PRKG1: variants seen among roughly 807,000 people sequenced by gnomAD.
PRKG1 encodes the protein protein kinase cGMP-dependent 1, also known as cGMP-dependent protein kinase 1.
A neutral mutation model predicts 88.1 loss-of-function variants in PRKG1; 35 were observed. The ratio of observed to expected loss-of-function variants is 0.40; its 90% CI spans 0.30 to 0.53. The LOEUF is 0.53. Ranked by LOEUF, PRKG1 falls within the 20% of genes least tolerant of loss-of-function variation. PRKG1 has a pLI of 0.59. For missense variants in PRKG1, 540 were observed against 839.8 expected, an observed-to-expected ratio of 0.64 and a Z score of 4.41; for synonymous variants, 303 against 292.5, an observed-to-expected ratio of 1.04 and a Z score of -0.37.
intron 9 of PRKG1, among the ~76,000 whole-genome samples, chr10:52,169,006 T>A (rs1221498554): frequency 6.6e-6 from 1 of 152,132 alleles, no homozygotes; most frequent in Non-Finnish European, 1.5e-5. Flanking sequence ...TAACGAACAT[T>A]TCGATGTTAG....
intron 5 of PRKG1, among the ~76,000 whole-genome samples, chr10:52,023,739 C>A (rs947828399): frequency 6.6e-6 from 1 of 152,152 alleles, no homozygotes; most frequent in African/African-American, 2.4e-5. Context: ...TGTTCATATC[C>A]TTCGCTCACT....
intron 5 of PRKG1, chr10:52,047,069 G>A (rs188814812): frequency 1.3e-5 from 2 of 152,200 alleles, no homozygotes; most frequent in African/African-American, 2.4e-5. Flanking sequence ...CATAATTCCC[G>A]ATTATCCCAG....
At chr10:52,244,254 T>C (rs756162482) in intron 9 of PRKG1, among the ~76,000 whole-genome samples, 1 of 152,066 alleles carries the variant, frequency 6.6e-6, no homozygotes, top group Non-Finnish European at 1.5e-5. Flanking sequence ...AATTTTTTAA[T>C]TTGAAAACAT....
intron 2 of PRKG1, among the ~76,000 whole-genome samples, chr10:51,350,575 CGA>C (rs1388570500): frequency 6.6e-6 from 1 of 151,956 alleles, no homozygotes; most frequent in African/African-American, 2.4e-5. Flanking sequence ...GAAGTCTTAG[CGA>C]GAGAGATCAG....
intron 1 of PRKG1, among the ~76,000 whole-genome samples, chr10:51,056,825 T>C (rs1008948794): frequency 2.6e-5 from 4 of 152,004 alleles, no homozygotes; most frequent in Non-Finnish European, 5.9e-5. Context: ...CCTGACCCCA[T>C]GTCTGCTTTC....
chr10:51,163,555 C>G (rs1025105609), intron 2 of PRKG1, among the ~76,000 whole-genome samples: 2 of 152,146 alleles, frequency 1.3e-5, no homozygotes, highest in African/African-American at 4.8e-5. Flanking sequence ...GTGGGTGCCG[C>G]GCACCCGCAC....
intron 5 of PRKG1, among the ~76,000 whole-genome samples, chr10:51,970,158 T>C (rs77657919): frequency 0.016 from 2,390 of 152,080 alleles, 55 homozygotes; most frequent in African/African-American, 0.055. Context: ...AAAGTAAGAC[T>C]GTTTTCTTAC....
intron 2 of PRKG1, among the ~76,000 whole-genome samples, chr10:51,455,336 G>T (rs1040694283): frequency 2.6e-5 from 4 of 152,346 alleles, no homozygotes; most frequent in African/African-American, 9.6e-5. Flanking sequence ...TCTCTGACAT[G>T]CCCTGTAGAT....
intron 2 of PRKG1, among the ~76,000 whole-genome samples, chr10:51,224,609 C>A (rs1046757881): frequency 1.3e-5 from 2 of 152,148 alleles, no homozygotes; most frequent in Non-Finnish European, 2.9e-5. Context: ...ACAGTATATC[C>A]TGTTGTAACT....
rs779776016 is a variant in PRKG1 at position 52,076,298 on chromosome 10, C to A, written c.935+13667C>A. ...GGGGCCGGGCCCAGTGGCTCACGCC[C>A]GTAGTCCCAGCACTTTGGAAGGCCG... On this transcript the variant is annotated intron_variant, in intron 7 of 17. Coordinates refer to ENST00000373980, the MANE Select transcript of PRKG1 (RefSeq NM_006258.4). 7.9e-5 allele frequency among the ~76,000 whole-genome samples: 12 copies of A among 152,274 alleles called. No homozygotes were observed. The East Asian group carries it at 2.3e-3, about 29-fold the overall frequency.
intron 2 of PRKG1, among the ~76,000 whole-genome samples, chr10:51,160,084 T>C (rs1846322266): frequency 6.6e-6 from 1 of 152,140 alleles, no homozygotes; most frequent in Non-Finnish European, 1.5e-5. Context: ...CTCTTGTATC[T>C]TCTGCAAACT....
intron 3 of PRKG1, among the ~76,000 whole-genome samples, chr10:51,574,237 G>C (rs529263626): frequency 2.0e-5 from 3 of 152,020 alleles, no homozygotes; most frequent in African/African-American, 7.2e-5. Context: ...CTTCATCTTA[G>C]TGAAGGAACT....
At chr10:51,077,654 G>A (rs1414139112) in intron 1 of PRKG1, among the ~76,000 whole-genome samples, 1 of 152,122 alleles carries the variant, frequency 6.6e-6, no homozygotes, top group Non-Finnish European at 1.5e-5. Flanking sequence ...GAATTGGAGG[G>A]AAGGTTCTGT....
intron 2 of PRKG1, among the ~76,000 whole-genome samples, chr10:51,399,565 A>G (rs922753726): frequency 2.6e-5 from 4 of 152,184 alleles, no homozygotes; most frequent in Admixed American, 2.0e-4. Context: ...ATAAATATTA[A>G]TGAGAGGCAG....
At chr10:51,535,806 C>T (rs1311347929) in intron 3 of PRKG1, among the ~76,000 whole-genome samples, 1 of 150,708 alleles carries the variant, frequency 6.6e-6, no homozygotes, top group Non-Finnish European at 1.5e-5. Flanking sequence ...CTCACTGCAA[C>T]TCCGCCTCCC....
chr10:52,052,204 G>A (rs1231941448), intron 5 of PRKG1, among the ~76,000 whole-genome samples: 1 of 152,040 alleles, frequency 6.6e-6, no homozygotes. Flanking sequence ...TCCAGTGGAT[G>A]GAGCTATTAT....
intron 3 of PRKG1, among the ~76,000 whole-genome samples, chr10:51,758,857 C>A (rs1837941432): frequency 6.7e-6 from 1 of 150,070 alleles, no homozygotes. Flanking sequence ...CCCCCCCACC[C>A]CCCGACAGGG....
chr10:51,616,511 G>A (rs2132253994), intron 3 of PRKG1, among the ~76,000 whole-genome samples: 1 of 152,232 alleles, frequency 6.6e-6, no homozygotes, highest in East Asian at 1.9e-4. Flanking sequence ...GATAGGTGGT[G>A]GTAGCAGCAG....
At chr10:52,071,624 C>T (rs949911445) in intron 7 of PRKG1, among the ~76,000 whole-genome samples, 6 of 124,878 alleles carry the variant, frequency 4.8e-5, no homozygotes, top group African/African-American at 1.6e-4. Flanking sequence ...AACTTTCCTT[C>T]CGTGTGTGGT....
Sources: allele counts gnomAD v4.1 joint callset (sites outside exome capture counted in the v4.1 genomes callset), GRCh38; gene constraint gnomAD v4.1.1; transcripts MANE v1.5; gene names NCBI Gene and HGNC (gene_info 2026-07-23, HGNC 2026-07-21).